Variants in CLNS1A observed in about 807,000 individuals in gnomAD.
The protein encoded by CLNS1A is methylosome subunit pICln.
CLNS1A carries 16 observed loss-of-function variants against 29.4 expected under a neutral mutation model. The observed-to-expected ratio is 0.54, with a 90% confidence interval of 0.37 to 0.83. CLNS1A has a LOEUF of 0.83. Ranked by LOEUF, CLNS1A falls within the 40% of genes least tolerant of loss-of-function variation. The probability of loss-of-function intolerance (pLI) is 0.00; values close to 1 mark genes in which losing one functional copy is unlikely to be tolerated. For synonymous variants in CLNS1A, 96 were observed against 104.8 expected, an observed-to-expected ratio of 0.92 and a Z score of 0.51; for missense variants, 235 against 287.4, an observed-to-expected ratio of 0.82 and a Z score of 1.32.
At position 77,616,358 on chromosome 11, in the gene CLNS1A, C is replaced by T. The variant is rs1463138523; in HGVS notation, c.*360G>A. On this transcript the variant is annotated 3_prime_UTR_variant, in exon 7 of 7. Coordinates refer to ENST00000525428, the MANE Select transcript of CLNS1A (RefSeq NM_001293.3). ...AGGAGCTCTCTCTTTCCCCCGCAGT[C>T]TACCAAGCTCCTGTGCATTTTCACC... 6.6e-6 allele frequency: 1 copy of T among 152,436 alleles called. No individual in the cohort carries two copies. Among genetic ancestry groups the T allele is most frequent in the Non-Finnish European group, 1.5e-5 (1 of 68,034 alleles). 9.4% of individuals were successfully genotyped at this position (152,436 alleles called of 1,614,324 possible).
At chr11:77,621,674 T>G (rs1005772105) in intron 5 of CLNS1A, among the ~76,000 whole-genome samples, 1 of 152,176 alleles carries the variant, frequency 6.6e-6, no homozygotes, top group Non-Finnish European at 1.5e-5. Flanking sequence ...ATAGTTAAAT[T>G]TATGCATCAA....
chr11:77,631,627 T>A (rs943164291), intron 1 of CLNS1A, among the ~76,000 whole-genome samples: 2 of 151,806 alleles, frequency 1.3e-5, no homozygotes, highest in African/African-American at 4.8e-5. Context: ...CCTAATTGTA[T>A]ACTTTCAAAA....
chr11:77,623,409 G>A (rs1281969077), intron 4 of CLNS1A, among the ~76,000 whole-genome samples: 2 of 151,928 alleles, frequency 1.3e-5, no homozygotes, highest in East Asian at 3.9e-4. Context: ...GGACAACATA[G>A]TAAGACTTCA....
At position 77,619,291 on chromosome 11, in the gene CLNS1A, G is replaced by A. The variant is rs117535657; in HGVS notation, c.*22+315C>T. ...TCACAGCTGTAATCCCAGTACTTTCGGATGCCGAGGAGGGAGAATCATTTG... is the reference window on the plus strand; with the variant it reads ...TCACAGCTGTAATCCCAGTACTTTCAGATGCCGAGGAGGGAGAATCATTTG... On this transcript the variant is annotated intron_variant, in intron 6 of 6. Coordinates refer to ENST00000525428, the MANE Select transcript of CLNS1A (RefSeq NM_001293.3). Among the ~76,000 whole-genome samples the A allele has an allele frequency of 5.7e-3, 872 of 152,244 alleles. 23 individuals are homozygous for A. In the East Asian group the frequency reaches 0.062, roughly 11 times the overall value.
intron 6 of CLNS1A, among the ~76,000 whole-genome samples, chr11:77,617,954 T>TA (rs959264800): frequency 2.0e-5 from 3 of 151,608 alleles, no homozygotes; most frequent in African/African-American, 7.3e-5. Flanking sequence ...AAAAAACCGT[T>TA]ATGAATAAAA....
In CLNS1A at chr11:77,616,046, TCAA is replaced by T. The variant is rs1396378903; in HGVS notation, c.*669_*671del. Reference sequence around the variant, plus strand: ...TCTTATTAATTTCATGTTCATCTTCTCAACAAGTAAACAAAAATAAAGCCAACA... The same window carrying T: ...TCTTATTAATTTCATGTTCATCTTCTCAAGTAAACAAAAATAAAGCCAACA... On this transcript the variant is annotated 3_prime_UTR_variant, in exon 7 of 7. Transcript: ENST00000525428. 2.6e-5 allele frequency: 4 copies of T among 152,224 alleles called. No homozygotes were observed. The highest frequency in any genetic ancestry group is 4.4e-5 in the Non-Finnish European group (3 of 68,038). 9.4% of individuals were successfully genotyped at this position (152,224 alleles called of 1,614,324 possible).
chr11:77,627,951 G>A (rs1031380005), intron 2 of CLNS1A, among the ~76,000 whole-genome samples: 5 of 152,092 alleles, frequency 3.3e-5, no homozygotes, highest in East Asian at 3.9e-4. Context: ...TCAGCCTCCC[G>A]AGTAGCTGGG....
chr11:77,622,090 GGAC>G (rs1446734816), intron 5 of CLNS1A: 1 of 456,468 alleles, frequency 2.2e-6, no homozygotes, highest in African/African-American at 2.0e-5. Flanking sequence ...AACCTATCGT[GGAC>G]TTCTAGCCTC....
Position 77,622,540 on chromosome 11 carries a change from C to G in CLNS1A, c.606G>C (p.Met202Ile). ...LSQSVSSQYN[M>I]AGVRTEDSIR... ...TTGAATCTTCTGTCCTGACCCCAGC[C>G]ATATTATACTGGCTGCTCACAGACT... The change falls in exon 5 of 7, where the codon ATG becomes ATC. Residue 202 changes from methionine (M) to isoleucine (I), a missense_variant. Met to Ile is a conservative substitution (Grantham distance 10). Transcript: ENST00000525428. 3 of 1,610,012 alleles carry G rather than the reference C, an allele frequency of 1.9e-6. No homozygotes were observed. Among genetic ancestry groups the G allele is most frequent in the Non-Finnish European group, 2.5e-6 (3 of 1,178,902 alleles).
At chr11:77,621,196 G>T (rs1958954141) in intron 5 of CLNS1A, among the ~76,000 whole-genome samples, 1 of 152,086 alleles carries the variant, frequency 6.6e-6, no homozygotes, top group African/African-American at 2.4e-5. Flanking sequence ...AGGAGGCTGA[G>T]GTGGGAGAAT....
chr11:77,637,270 G>GAAAAGA lies in CLNS1A; in HGVS notation c.125+319_125+320insTCTTTT, dbSNP rs1389362382. ...AAAAAAAAAAAAAAAGAAAATAAAA[G>GAAAAGA]AAAGAAAGAAAGAAAAGAAGAAGAA... On this transcript the variant is annotated intron_variant, in intron 1 of 6. Coordinates refer to ENST00000525428, the MANE Select transcript of CLNS1A (RefSeq NM_001293.3). Among the ~76,000 whole-genome samples the GAAAAGA allele has an allele frequency of 4.0e-3, 160 of 40,412 alleles. 1 individual carries two copies. The highest frequency in any genetic ancestry group is 0.016 in the African/African-American group (145 of 9,020). The allele number at this position is 40,412 out of a possible 152,430, so 26.5% of individuals were successfully genotyped here. A position where few individuals can be genotyped will look rare whatever the true frequency, so the allele number is the denominator to read the frequency against.
intron 4 of CLNS1A, among the ~76,000 whole-genome samples, chr11:77,624,716 G>C (rs1186566416): frequency 6.6e-6 from 1 of 152,134 alleles, no homozygotes; most frequent in Non-Finnish European, 1.5e-5. Context: ...CTACTTGGAA[G>C]GCTGAGGCAG....
intron 2 of CLNS1A, among the ~76,000 whole-genome samples, 199 bp from the exon 3 acceptor site, chr11:77,626,017 G>A (rs59832115): frequency 6.6e-6 from 1 of 151,660 alleles, no homozygotes; most frequent in Non-Finnish European, 1.5e-5. Context: ...CGAGATCCAC[G>A]CACCTTGGCC....
At chr11:77,621,060 G>C (rs1324067298) in intron 5 of CLNS1A, among the ~76,000 whole-genome samples, 2 of 151,742 alleles carry the variant, frequency 1.3e-5, no homozygotes, top group African/African-American at 4.8e-5. Flanking sequence ...ACTTTGGGAG[G>C]CTGAGGCGGG....
At chr11:77,618,234 A>T (rs1338893070) in intron 6 of CLNS1A, among the ~76,000 whole-genome samples, 2 of 152,236 alleles carry the variant, frequency 1.3e-5, no homozygotes, top group Non-Finnish European at 2.9e-5. Context: ...TAATTGCAAT[A>T]AAACAGTTAC....
At chr11:77,617,450 G>A (rs1227608498) in intron 6 of CLNS1A, among the ~76,000 whole-genome samples, 2 of 151,314 alleles carry the variant, frequency 1.3e-5, no homozygotes, top group Admixed American at 1.3e-4. Context: ...GCTGAGGCAG[G>A]AGAATTGCTT....
chr11:77,616,719 G>A (rs1958908501), intron 6 of CLNS1A, 24 bp from the exon 7 acceptor site: 1 of 152,352 alleles, frequency 6.6e-6, no homozygotes, highest in Admixed American at 6.5e-5. Context: ...GGTTTACAGT[G>A]TTTACAGTAG....
At position 77,621,637 on chromosome 11, in the gene CLNS1A, C is replaced by T. The variant is rs146680224; in HGVS notation, c.646+863G>A. 7.8e-3 allele frequency among the ~76,000 whole-genome samples: 1,192 copies of T among 152,270 alleles called. 6 individuals carry two copies. Among genetic ancestry groups the T allele is most frequent in the Middle Eastern group, 0.014 (4 of 294 alleles). ...CAGCCTCGGCAACAAGAGCGAAACT[C>T]CATCTTAAGAAAAAAAGAAGGGTGT... On this transcript the variant is annotated intron_variant, in intron 5 of 6. Coordinates refer to ENST00000525428, the MANE Select transcript of CLNS1A (RefSeq NM_001293.3).
chr11:77,619,621 A>G lies in CLNS1A; in HGVS notation c.*7T>C, dbSNP rs1178701092. The G allele has an allele frequency of 1.2e-6, 2 of 1,608,764 alleles. No homozygotes were observed. The highest frequency in any genetic ancestry group is 2.2e-5 in the East Asian group (1 of 44,854). ...AACTACTCACCTTAAACTTGCATAA[A>G]TCATTTTCAGTGATCAACATCTGCA... On this transcript the variant is annotated 3_prime_UTR_variant, in exon 6 of 7. Coordinates refer to ENST00000525428, the MANE Select transcript of CLNS1A (RefSeq NM_001293.3).
Sources: allele counts gnomAD v4.1 joint callset (sites outside exome capture counted in the v4.1 genomes callset), GRCh38; gene constraint gnomAD v4.1.1; transcripts MANE v1.5; gene names NCBI Gene and HGNC (gene_info 2026-07-23, HGNC 2026-07-21).